Variants in PLPPR1 observed in about 807,000 individuals in gnomAD.
PLPPR1 encodes phospholipid phosphatase-related protein type 1.
Under a neutral mutation model 33.1 loss-of-function variants are expected in PLPPR1, and 10 were observed. The ratio of observed to expected loss-of-function variants is 0.30; its 90% CI spans 0.19 to 0.51. The LOEUF (loss-of-function observed/expected upper bound fraction) is 0.51. Ranked by LOEUF, PLPPR1 falls within the 20% of genes least tolerant of loss-of-function variation. PLPPR1 has a pLI of 0.97. For synonymous variants in PLPPR1, 151 were observed against 151.0 expected (o/e 1.00, Z 0.00); for missense variants, 304 against 408.1 (o/e 0.74, Z 2.20).
intron 2 of PLPPR1, among the ~76,000 whole-genome samples, chr9:101,191,964 C>T (rs1334131013): frequency 6.6e-6 from 1 of 152,150 alleles, no homozygotes; most frequent in Non-Finnish European, 1.5e-5. Context: ...TTTTTGACAA[C>T]TCAATTTTCT....
intron 2 of PLPPR1, among the ~76,000 whole-genome samples, chr9:101,197,998 T>G (rs542137017): frequency 6.6e-6 from 1 of 152,356 alleles, no homozygotes; most frequent in African/African-American, 2.4e-5. Context: ...TGACTATAAA[T>G]AATTATACTC....
At chr9:101,254,086 G>A (rs1827757576) in intron 2 of PLPPR1, among the ~76,000 whole-genome samples, 1 of 152,024 alleles carries the variant, frequency 6.6e-6, no homozygotes, top group South Asian at 2.1e-4. Flanking sequence ...TTTTGTGGAA[G>A]ACAGTTTTTC....
rs529952799 is a variant in PLPPR1 at position 101,167,818 on chromosome 9, T to C, written c.-45-17632T>C. On this transcript the variant is annotated intron_variant, in intron 1 of 7. Transcript: ENST00000374874. ...GAAGCCAGCTCTTGCATCATTCTTGTATTAGTCTGTTCTCACACTGCTGAT... is the reference window on the plus strand; with the variant it reads ...GAAGCCAGCTCTTGCATCATTCTTGCATTAGTCTGTTCTCACACTGCTGAT... Among the ~76,000 whole-genome samples, 16 of 152,310 alleles carry C rather than the reference T, an allele frequency of 1.1e-4. No homozygotes were observed. In the South Asian group the frequency reaches 3.1e-3, roughly 30 times the overall value.
intron 1 of PLPPR1, among the ~76,000 whole-genome samples, chr9:101,154,469 TC>T (rs1437203958): frequency 2.6e-5 from 4 of 152,230 alleles, no homozygotes; most frequent in African/African-American, 9.6e-5. Flanking sequence ...TTTATCCATT[TC>T]ATCTAGATTT....
chr9:101,186,550 C>T (rs1028880002), intron 2 of PLPPR1, among the ~76,000 whole-genome samples: 1 of 151,826 alleles, frequency 6.6e-6, no homozygotes, highest in African/African-American at 2.4e-5. Context: ...TAAACTACTA[C>T]TCATATTAGC....
intron 6 of PLPPR1, among the ~76,000 whole-genome samples, chr9:101,313,207 A>G (rs757724893): frequency 1.3e-5 from 2 of 152,210 alleles, no homozygotes; most frequent in African/African-American, 4.8e-5. Context: ...AATTGCCCCT[A>G]GAAGTACAGC....
intron 1 of PLPPR1, among the ~76,000 whole-genome samples, chr9:101,067,978 A>G (rs547567679): frequency 9.2e-5 from 14 of 152,236 alleles, no homozygotes; most frequent in African/African-American, 4.8e-5. Context: ...GGCAAAGCAT[A>G]TGCTTAACAT....
At chr9:101,236,723 T>G (rs12005858) in intron 2 of PLPPR1, among the ~76,000 whole-genome samples, 1 of 151,500 alleles carries the variant, frequency 6.6e-6, no homozygotes, top group Non-Finnish European at 1.5e-5. Flanking sequence ...AATCTAATAC[T>G]TTGAACATTT....
intron 5 of PLPPR1, among the ~76,000 whole-genome samples, chr9:101,311,595 T>C (rs1828957741): frequency 6.6e-6 from 1 of 152,230 alleles, no homozygotes; most frequent in Non-Finnish European, 1.5e-5. Context: ...CTGAAAATAG[T>C]GTAATAATAT....
At position 101,214,242 on chromosome 9, in the gene PLPPR1, T is replaced by G. The variant is rs148558674; in HGVS notation, c.63+28685T>G. 9.2e-5 allele frequency among the ~76,000 whole-genome samples: 14 copies of G among 152,330 alleles called. No homozygotes were observed. The East Asian group carries it at 2.7e-3, about 29-fold the overall frequency. ...CAGGAATGCTGGGGAAAATTACAAT[T>G]TGACCTGCTACAGAGGTACCTTATA... is the stretch of plus-strand genomic sequence containing the variant. On this transcript the variant is annotated intron_variant, in intron 2 of 7. Coordinates refer to ENST00000374874, the MANE Select transcript of PLPPR1 (RefSeq NM_207299.2).
At chr9:101,130,726 C>T (rs1831304017) in intron 1 of PLPPR1, among the ~76,000 whole-genome samples, 1 of 152,182 alleles carries the variant, frequency 6.6e-6, no homozygotes, top group East Asian at 1.9e-4. Flanking sequence ...CATTCTCCAT[C>T]ACTTGTGCTA....
intron 1 of PLPPR1, among the ~76,000 whole-genome samples, chr9:101,076,008 G>A (rs1312448434): frequency 3.3e-5 from 5 of 152,150 alleles, no homozygotes; most frequent in African/African-American, 9.7e-5. Flanking sequence ...GAAGGGGCAC[G>A]CGGGAGAGTG....
At chr9:101,153,023 A>C (rs1202254245) in intron 1 of PLPPR1, among the ~76,000 whole-genome samples, 1 of 152,174 alleles carries the variant, frequency 6.6e-6, no homozygotes, top group Non-Finnish European at 1.5e-5. Flanking sequence ...GATTCTTCCT[A>C]CCCACGAGCA....
At chr9:101,169,077 G>A (rs4743450) in intron 1 of PLPPR1, among the ~76,000 whole-genome samples, 22,708 of 152,102 alleles carry the variant, frequency 0.15, 2,021 homozygotes, top group Non-Finnish European at 0.2. Context: ...TTACTTTTAA[G>A]TTGAGAGCAA....
At chr9:101,156,764 T>A (rs1831700180) in intron 1 of PLPPR1, among the ~76,000 whole-genome samples, 1 of 151,978 alleles carries the variant, frequency 6.6e-6, no homozygotes, top group Admixed American at 6.6e-5. Flanking sequence ...GGTATGTCAA[T>A]GGGAAGAGGA....
chr9:101,053,829 A>T (rs1330928636), intron 1 of PLPPR1, among the ~76,000 whole-genome samples: 1 of 152,154 alleles, frequency 6.6e-6, no homozygotes, highest in Non-Finnish European at 1.5e-5. Flanking sequence ...TTCTGTAAAA[A>T]ATTAGAAGCA....
intron 2 of PLPPR1, among the ~76,000 whole-genome samples, chr9:101,211,747 A>G (rs768847263): frequency 6.6e-6 from 1 of 152,220 alleles, no homozygotes; most frequent in Non-Finnish European, 1.5e-5. Context: ...GGACAGAAGG[A>G]GTAACTTTCT....
intron 1 of PLPPR1, among the ~76,000 whole-genome samples, chr9:101,169,906 G>T (rs1233211386): frequency 6.6e-6 from 1 of 151,390 alleles, no homozygotes; most frequent in Non-Finnish European, 1.5e-5. Flanking sequence ...GTTCTATCTA[G>T]TTGCAGTAGG....
chr9:101,221,023 A>T (rs1180420207), intron 2 of PLPPR1, among the ~76,000 whole-genome samples: 1 of 152,236 alleles, frequency 6.6e-6, no homozygotes, highest in African/African-American at 2.4e-5. Context: ...CATGACTCCT[A>T]CAGTTGATAG....
Sources: gnomAD v4.1 joint callset for allele counts (sites outside exome capture counted in the v4.1 genomes callset) on GRCh38, gnomAD v4.1.1 for gene constraint, MANE v1.5 for transcripts, NCBI Gene and HGNC (gene_info 2026-07-23, HGNC 2026-07-21) for gene names.